Variants in GRAMD1B observed in about 807,000 individuals in gnomAD.
GRAMD1B encodes GRAM domain containing 1B.
In GRAMD1B, 37 loss-of-function variants were observed where a neutral mutation model predicts 99.7. The ratio of observed to expected loss-of-function variants is 0.37; its 90% CI spans 0.29 to 0.49. The LOEUF (loss-of-function observed/expected upper bound fraction) is 0.49. Among genes scored for constraint, GRAMD1B ranks in the 20% least tolerant of loss-of-function variants. The pLI is 0.98. For synonymous variants in GRAMD1B, 427 were observed against 387.6 expected (o/e 1.10, Z -1.19); for missense variants, 888 against 1,009.2 (o/e 0.88, Z 1.63).
At chr11:123,551,890 T>C (rs1945648591) in intron 2 of GRAMD1B, among the ~76,000 whole-genome samples, 1 of 152,200 alleles carries the variant, frequency 6.6e-6, no homozygotes, top group Non-Finnish European at 1.5e-5. Context: ...TTTTTCGCTT[T>C]CATTTCCCTA....
At position 123,461,971 on chromosome 11, in the gene GRAMD1B, T is replaced by C. The variant is rs1338226051; in HGVS notation, c.375-18845T>C. 1.7e-3 allele frequency among the ~76,000 whole-genome samples: 243 copies of C among 140,596 alleles called. 2 individuals are homozygous for C. Among genetic ancestry groups the C allele is most frequent in the Non-Finnish European group, 7.2e-4 (48 of 67,004 alleles). 92.2% of individuals were successfully genotyped at this position (140,596 alleles called of 152,430 possible). On this transcript the variant is annotated intron_variant, in intron 1 of 19. Transcript: ENST00000635736. ...GGTATGGTCATTTGTTTATTTCTTT[T>C]TTTTTTTTTTTTTGAAATGGGATCT...
chr11:123,468,300 A>T (rs1277783826), intron 1 of GRAMD1B, among the ~76,000 whole-genome samples: 1 of 150,728 alleles, frequency 6.6e-6, no homozygotes, highest in East Asian at 1.9e-4. Flanking sequence ...ACTTTTACAA[A>T]TACATCAAGG....
chr11:123,508,926 C>T (rs1344288891), intron 2 of GRAMD1B, among the ~76,000 whole-genome samples: 1 of 152,194 alleles, frequency 6.6e-6, no homozygotes, highest in Non-Finnish European at 1.5e-5. Flanking sequence ...ATCAGGTGAT[C>T]TGTCTACCAC....
chr11:123,450,265 A>G, intron 1 of GRAMD1B, among the ~76,000 whole-genome samples: 1 of 152,190 alleles, frequency 6.6e-6, no homozygotes, highest in East Asian at 1.9e-4. Flanking sequence ...TGTGGTTGCC[A>G]TGGTAATGCA....
chr11:123,450,376 CA>C (rs972595239), intron 1 of GRAMD1B, among the ~76,000 whole-genome samples: 15 of 152,102 alleles, frequency 9.9e-5, no homozygotes, highest in Admixed American at 7.9e-4. Flanking sequence ...CTTTTTTCCC[CA>C]ACTAACTAAT....
chr11:123,575,481 T>C (rs920862111), intron 2 of GRAMD1B, among the ~76,000 whole-genome samples: 6 of 152,126 alleles, frequency 3.9e-5, no homozygotes, highest in Non-Finnish European at 8.8e-5. Flanking sequence ...CACTCCCAAC[T>C]TCTCTAGTTA....
chr11:123,600,611 C>A, intron 8 of GRAMD1B, 63 bp downstream of exon 8: 1 of 1,029,820 alleles, frequency 9.7e-7, no homozygotes, highest in Non-Finnish European at 1.5e-6. Flanking sequence ...CCTTTGTCTC[C>A]TCAGGGTTCT....
At chr11:123,481,602 G>A (rs1951612957) in intron 2 of GRAMD1B, among the ~76,000 whole-genome samples, 1 of 152,198 alleles carries the variant, frequency 6.6e-6, no homozygotes, top group Admixed American at 6.5e-5. Flanking sequence ...GTTGGATGGT[G>A]TCAGGTGGCA....
At chr11:123,513,578 T>TTTCCTTCCTTCGTTCC (rs1941302681) in intron 2 of GRAMD1B, among the ~76,000 whole-genome samples, 2 of 41,670 alleles carry the variant, frequency 4.8e-5, no homozygotes, top group African/African-American at 9.3e-5. Flanking sequence ...CCTTCCTTCC[T>TTTCCTTCCTTCGTTCC]TTCCTTCCTT....
Position 123,440,590 on chromosome 11 carries a change from A to G in GRAMD1B, c.374+9424A>G, listed in dbSNP as rs181904123. Among the ~76,000 whole-genome samples, 155 of 152,312 alleles carry G rather than the reference A, an allele frequency of 1.0e-3. 1 individual carries two copies. Among genetic ancestry groups the G allele is most frequent in the African/African-American group, 3.6e-3 (148 of 41,566 alleles). ...GTTTTGGATAGTAGGAAAAAGGAAA[A>G]CATAATTTTATCATGTTAACTCAGT... On this transcript the variant is annotated intron_variant, in intron 1 of 19. Transcript: ENST00000635736.
intron 1 of GRAMD1B, among the ~76,000 whole-genome samples, chr11:123,445,542 G>A (rs1177210866): frequency 2.6e-5 from 4 of 152,014 alleles, no homozygotes; most frequent in African/African-American, 4.8e-5. Context: ...GGGGCCTGGC[G>A]CAGTGGCTTA....
intron 1 of GRAMD1B, among the ~76,000 whole-genome samples, chr11:123,470,757 A>G (rs894791656): frequency 3.9e-5 from 6 of 152,172 alleles, no homozygotes; most frequent in African/African-American, 1.4e-4. Context: ...AGTTGCTTAC[A>G]TTTTGACAGA....
In GRAMD1B at chr11:123,587,776, T is replaced by C. The variant is rs1026388795; in HGVS notation, c.684+3444T>C. Among the ~76,000 whole-genome samples, 1 of 151,920 alleles carries C rather than the reference T, an allele frequency of 6.6e-6. No individual in the cohort carries two copies. Among genetic ancestry groups the C allele is most frequent in the Non-Finnish European group, 1.5e-5 (1 of 67,976 alleles). On this transcript the variant is annotated intron_variant, in intron 4 of 19. Transcript: ENST00000635736. This position sits in a 1 kb window ranked among gnomAD's most constrained non-coding sequence, Gnocchi z 4.2. Reference sequence around the variant, plus strand: ...GAGGGATAGTGCCAAGCCTGGGGAGTGGCTGGCACAAGCGAGAAAGCAAAA... The same window carrying C: ...GAGGGATAGTGCCAAGCCTGGGGAGCGGCTGGCACAAGCGAGAAAGCAAAA...
chr11:123,612,884 C>G lies in GRAMD1B; in HGVS notation c.2023+20C>G, dbSNP rs755783212. The G allele has an allele frequency of 9.6e-5, 133 of 1,387,752 alleles. 3 individuals carry two copies. The South Asian group carries it at 1.5e-3, about 16-fold the overall frequency. The allele number at this position is 1,387,752 out of a possible 1,614,324, so 86.0% of individuals were successfully genotyped here. A position where few individuals can be genotyped will look rare whatever the true frequency, so the allele number is the denominator to read the frequency against. Reference sequence around the variant, plus strand: ...ATTTAGGTGAGCACTGCAATCCTTGCTGCTAGCTGGGCTGCAGAGATGGTA... The same window carrying G: ...ATTTAGGTGAGCACTGCAATCCTTGGTGCTAGCTGGGCTGCAGAGATGGTA... On this transcript the variant is annotated intron_variant, in intron 15 of 19. Coordinates refer to ENST00000635736, the MANE Select transcript of GRAMD1B (RefSeq NM_001387025.1).
intron 2 of GRAMD1B, among the ~76,000 whole-genome samples, chr11:123,507,599 T>C (rs1416051038): frequency 6.6e-6 from 1 of 152,188 alleles, no homozygotes; most frequent in Non-Finnish European, 1.5e-5. Flanking sequence ...GTAGTTAAAT[T>C]AAAATAAGGT....
chr11:123,378,300 G>T (rs543794666), intron 1 of GRAMD1B, among the ~76,000 whole-genome samples: 1 of 152,258 alleles, frequency 6.6e-6, no homozygotes, highest in Non-Finnish European at 1.5e-5. Flanking sequence ...CCAGAAACCA[G>T]AACAACTAGT....
At chr11:123,475,712 C>G (rs1435140917) in intron 1 of GRAMD1B, among the ~76,000 whole-genome samples, 1 of 152,166 alleles carries the variant, frequency 6.6e-6, no homozygotes, top group East Asian at 1.9e-4. Flanking sequence ...TCTGTTAGTG[C>G]CCTCTGCTGG....
rs542190824 is a variant in GRAMD1B at position 123,475,814 on chromosome 11, G to C, written c.375-5002G>C. On this transcript the variant is annotated intron_variant, in intron 1 of 19. Transcript: ENST00000635736. Reference sequence around the variant, plus strand: ...CTAAGGCCTTGACTAATCTGGAGTGGAGGGAGGTGTGCTTTTTGACCTTGT... The same window carrying C: ...CTAAGGCCTTGACTAATCTGGAGTGCAGGGAGGTGTGCTTTTTGACCTTGT... Among the ~76,000 whole-genome samples the C allele has an allele frequency of 1.7e-4, 26 of 152,306 alleles. No homozygotes were observed. The East Asian group carries it at 3.5e-3, about 20-fold the overall frequency.
At chr11:123,475,301 C>T (rs1407596917) in intron 1 of GRAMD1B, among the ~76,000 whole-genome samples, 2 of 152,114 alleles carry the variant, frequency 1.3e-5, no homozygotes, top group Non-Finnish European at 2.9e-5. Context: ...TGGATTTTTC[C>T]CAGTCCTTCC....
Sources: allele counts gnomAD v4.1 joint callset (sites outside exome capture counted in the v4.1 genomes callset), GRCh38; gene constraint gnomAD v4.1.1; non-coding constraint Gnocchi (gnomAD v3.1); transcripts MANE v1.5; gene names NCBI Gene and HGNC (gene_info 2026-07-23, HGNC 2026-07-21).